The following ATP5MG variants were observed in gnomAD, a reference collection of about 807,000 sequenced individuals.
ATP5MG encodes the protein ATP synthase F(0) complex subunit g, mitochondrial.
ATP5MG carries 7 observed loss-of-function variants against 12.7 expected under a neutral mutation model. The observed-to-expected ratio is 0.55, with a 90% CI of 0.31 to 1.04. The LOEUF is 1.04. Among genes scored for constraint, ATP5MG ranks in the 50% least tolerant of loss-of-function variants. The probability of loss-of-function intolerance (pLI) is 0.05; values close to 1 mark genes in which losing one functional copy is unlikely to be tolerated. For missense variants in ATP5MG, 116 were observed against 126.7 expected, an observed-to-expected ratio of 0.92 and a Z score of 0.41; for synonymous variants, 53 against 48.2, an observed-to-expected ratio of 1.10 and a Z score of -0.41.
chr11:118,401,811 GGGCCTGCGGGTGCCGGGGCGGGAT>G (rs1948929724), intron 1 of ATP5MG, 94 bp downstream of exon 1: 12 of 1,456,758 alleles, frequency 8.2e-6, no homozygotes, highest in African/African-American at 1.4e-5. Context: ...AAGACCCGAG[GGGCCTGCGGGTGCCGGGGCGGGAT>G]GGCCTGCAGG....
chr11:118,408,700 C>G (rs1296867995), intron 2 of ATP5MG, among the ~76,000 whole-genome samples: 5 of 152,022 alleles, frequency 3.3e-5, no homozygotes, highest in African/African-American at 1.2e-4. Flanking sequence ...CATAAAGTGT[C>G]TCATAAACTT....
At chr11:118,408,483 A>G (rs1948991142) in intron 2 of ATP5MG, among the ~76,000 whole-genome samples, 2 of 152,214 alleles carry the variant, frequency 1.3e-5, no homozygotes, top group Non-Finnish European at 2.9e-5. Context: ...TGGGACAACA[A>G]AATGTTGATA....
chr11:118,404,116 A>G (rs1406472142), intron 1 of ATP5MG: 4 of 152,250 alleles, frequency 2.6e-5, no homozygotes, highest in African/African-American at 7.2e-5. Context: ...TAACGTGGAA[A>G]TACATTTTGC....
At chr11:118,408,035 G>T (rs1948987788) in intron 2 of ATP5MG, among the ~76,000 whole-genome samples, 1 of 151,906 alleles carries the variant, frequency 6.6e-6, no homozygotes, top group Non-Finnish European at 1.5e-5. Context: ...GGTGGCGGAA[G>T]CCTGTAGTCC....
intron 1 of ATP5MG, among the ~76,000 whole-genome samples, chr11:118,403,529 C>T (rs1948947600): frequency 1.3e-5 from 2 of 151,326 alleles, no homozygotes; most frequent in Admixed American, 1.3e-4. Flanking sequence ...GACACTGTGG[C>T]TCACGCCTGT....
Position 118,409,166 on chromosome 11 carries a change from G to C in ATP5MG, c.*68G>C. ...AGTGTTGTTGGACCATGTGTGATCA[G>C]ACTGCTATCTGAATAAAATAAGATT... On this transcript the variant is annotated 3_prime_UTR_variant, in exon 3 of 3. Coordinates refer to ENST00000300688, the MANE Select transcript of ATP5MG (RefSeq NM_006476.5). 1 of 1,044,304 alleles carries C rather than the reference G, an allele frequency of 9.6e-7. No homozygotes were observed. Among genetic ancestry groups the C allele is most frequent in the South Asian group, 1.6e-5 (1 of 60,716 alleles). 64.7% of individuals were successfully genotyped at this position (1,044,304 alleles called of 1,614,324 possible). A position where few individuals can be genotyped will look rare whatever the true frequency, so the allele number is the denominator to read the frequency against.
chr11:118,406,823 C>T, intron 1 of ATP5MG, 114 bp from the exon 2 acceptor site: 1 of 1,441,794 alleles, frequency 6.9e-7, no homozygotes, highest in South Asian at 1.3e-5. Flanking sequence ...TTGGTACAAG[C>T]AGTGAATGAA....
intron 2 of ATP5MG, among the ~76,000 whole-genome samples, chr11:118,407,798 G>A (rs1173879303): frequency 1.6e-4 from 24 of 152,134 alleles, no homozygotes; most frequent in Non-Finnish European, 5.9e-5. Context: ...CTTGAGCCCA[G>A]GAGTTAGAGG....
chr11:118,405,623 G>C, intron 1 of ATP5MG: 2 of 981,272 alleles, frequency 2.0e-6, no homozygotes, highest in Non-Finnish European at 2.4e-6. Flanking sequence ...ACTTATACAA[G>C]ATTGTGCTTT....
intron 1 of ATP5MG, among the ~76,000 whole-genome samples, chr11:118,403,233 C>T (rs1042196842): frequency 2.0e-5 from 3 of 152,196 alleles, no homozygotes; most frequent in Non-Finnish European, 4.4e-5. Flanking sequence ...CGGTAGCTTA[C>T]GCCTGTAATC....
chr11:118,405,328 C>A (rs1352835670), intron 1 of ATP5MG, among the ~76,000 whole-genome samples: 5 of 152,072 alleles, frequency 3.3e-5, no homozygotes, highest in Non-Finnish European at 7.4e-5. Context: ...ATATATTAAG[C>A]TAAACCTGAG....
At chr11:118,405,701 T>G in intron 1 of ATP5MG, 3 of 985,354 alleles carry the variant, frequency 3.0e-6, no homozygotes, top group Non-Finnish European at 3.6e-6. Flanking sequence ...GCTTTGTGTC[T>G]GCTTAAAGGT....
chr11:118,405,788 G>A lies in ATP5MG; in HGVS notation c.53-1149G>A, dbSNP rs536153969. The A allele has an allele frequency of 8.4e-5, 70 of 833,384 alleles. No homozygotes were observed. The African/African-American group carries it at 1.2e-3, about 14-fold the overall frequency. The allele number at this position is 833,384 out of a possible 1,614,324, so 51.6% of individuals were successfully genotyped here. A position where few individuals can be genotyped will look rare whatever the true frequency, so the allele number is the denominator to read the frequency against. ...CTCAAATGGAGGCCGTTAATATGAG[G>A]AAAACACCAAGAGCCTTGGGTAATC... On this transcript the variant is annotated intron_variant, in intron 1 of 2. Transcript: ENST00000300688.
chr11:118,409,253 T>C lies in ATP5MG; in HGVS notation c.*155T>C. 2.4e-6 allele frequency: 1 copy of C among 419,432 alleles called. No individual in the cohort carries two copies. The highest frequency in any genetic ancestry group is 4.3e-5 in the Admixed American group (1 of 23,050). The allele number at this position is 419,432 out of a possible 1,614,324, so 26.0% of individuals were successfully genotyped here. A position where few individuals can be genotyped will look rare whatever the true frequency, so the allele number is the denominator to read the frequency against. The stretch of plus-strand genomic sequence containing the variant: ...TGAAAGGTCACAATTTCTCTTGATA[T>C]TAAGCTGGGTTGTCTTTAAACAACC... On this transcript the variant is annotated 3_prime_UTR_variant, in exon 3 of 3. Coordinates refer to ENST00000300688, the MANE Select transcript of ATP5MG (RefSeq NM_006476.5).
At chr11:118,407,224 T>A (rs1948980624) in intron 2 of ATP5MG, 127 bp downstream of exon 2, 8 of 1,341,932 alleles carry the variant, frequency 6.0e-6, no homozygotes, top group Non-Finnish European at 5.0e-6. Flanking sequence ...AGGAAAAAAA[T>A]TTTGACTGCT....
At chr11:118,408,149 G>A (rs1391952405) in intron 2 of ATP5MG, among the ~76,000 whole-genome samples, 1 of 151,904 alleles carries the variant, frequency 6.6e-6, no homozygotes, top group African/African-American at 2.4e-5. Context: ...GTGACAGAGC[G>A]AGACTCCATC....
intron 1 of ATP5MG, among the ~76,000 whole-genome samples, chr11:118,405,407 A>G (rs1948964017): frequency 2.0e-5 from 3 of 151,992 alleles, no homozygotes; most frequent in African/African-American, 7.3e-5. Context: ...ACATCACTCA[A>G]CCTCCACTGA....
At chr11:118,407,176 A>G (rs1948980124) in intron 2 of ATP5MG, 79 bp downstream of exon 2, 6 of 1,569,804 alleles carry the variant, frequency 3.8e-6, no homozygotes, top group South Asian at 1.1e-5. Flanking sequence ...GTTTTGATTA[A>G]TATATATGTT....
chr11:118,405,787 G>C (rs1948967106), intron 1 of ATP5MG: 1 of 838,374 alleles, frequency 1.2e-6, no homozygotes, highest in Non-Finnish European at 1.4e-6. Context: ...GTTAATATGA[G>C]GAAAACACCA....
Sources: gnomAD v4.1 joint callset for allele counts (sites outside exome capture counted in the v4.1 genomes callset) on GRCh38, gnomAD v4.1.1 for gene constraint, MANE v1.5 for transcripts, NCBI Gene and HGNC (gene_info 2026-07-23, HGNC 2026-07-21) for gene names.